The following TBC1D21 variants were observed in gnomAD, a reference collection of about 807,000 sequenced individuals.
TBC1D21 encodes the protein male germ cell Rab GTPase-activating protein.
TBC1D21 carries 38 observed loss-of-function variants against 46.0 expected under a neutral mutation model. That is an observed-to-expected ratio of 0.83 (90% CI 0.64 to 1.08). TBC1D21 has a LOEUF of 1.08. TBC1D21 is among the 50% of genes least tolerant of loss of function. TBC1D21 has a pLI of 0.00. For synonymous variants in TBC1D21, 151 were observed against 157.2 expected, an observed-to-expected ratio of 0.96 and a Z score of 0.29; for missense variants, 415 against 417.9, an observed-to-expected ratio of 0.99 and a Z score of 0.06.
intron 6 of TBC1D21, among the ~76,000 whole-genome samples, chr15:73,885,827 C>A (rs982216277): frequency 6.6e-6 from 1 of 151,954 alleles, no homozygotes; most frequent in African/African-American, 2.4e-5. Context: ...CACACACACA[C>A]ACACACACAC....
intron 8 of TBC1D21, among the ~76,000 whole-genome samples, chr15:73,886,962 C>G (rs530613783): frequency 6.6e-6 from 1 of 152,316 alleles, no homozygotes; most frequent in South Asian, 2.1e-4. Context: ...TCCCCCCAAC[C>G]CTGGCCTTCC....
chr15:73,893,145 T>C (rs978197460), downstream of TBC1D21, among the ~76,000 whole-genome samples: 1 of 152,088 alleles, frequency 6.6e-6, no homozygotes, highest in Non-Finnish European at 1.5e-5. Context: ...ACTCCTTAAA[T>C]AGTGCCAGAG....
the TBC1D21 span, among the ~76,000 whole-genome samples, chr15:73,897,436 C>T: frequency 0.95 from 144,304 of 152,342 alleles, 68,849 homozygotes; most frequent in East Asian, 1. Flanking sequence ...TTAACAGTTA[C>T]TCTGTAACCC....
At chr15:73,876,346 G>A (rs1225283568) in intron 1 of TBC1D21, among the ~76,000 whole-genome samples, 1 of 147,228 alleles carries the variant, frequency 6.8e-6, no homozygotes, top group Admixed American at 6.9e-5. Flanking sequence ...TCCTGCCTCA[G>A]CCTCCCAAGT....
chr15:73,905,151 G>A, the TBC1D21 span, among the ~76,000 whole-genome samples: 9 of 152,178 alleles, frequency 5.9e-5, no homozygotes, highest in Middle Eastern at 3.2e-3. Context: ...ACGCCCTCTA[G>A]CCCCAGCCAT....
chr15:73,904,580 T>C, the TBC1D21 span, among the ~76,000 whole-genome samples: 1 of 152,134 alleles, frequency 6.6e-6, no homozygotes, highest in Admixed American at 6.5e-5. Context: ...TATGGGTTCA[T>C]AGTACAGGTC....
intron 1 of TBC1D21, among the ~76,000 whole-genome samples, chr15:73,874,581 C>T (rs2068024736): frequency 6.6e-6 from 1 of 152,186 alleles, no homozygotes; most frequent in South Asian, 2.1e-4. Flanking sequence ...AGTCACACAG[C>T]TTGTTAAGTG....
intron 1 of TBC1D21, 66 bp downstream of exon 1, chr15:73,873,835 T>C: frequency 1.3e-6 from 2 of 1,550,746 alleles, no homozygotes. Flanking sequence ...GGGACCATTT[T>C]CCCCTGCTGG....
chr15:73,909,763 C>T, the TBC1D21 span: 1 of 151,952 alleles, frequency 6.6e-6, no homozygotes, highest in South Asian at 2.1e-4. Flanking sequence ...ACATAACCTC[C>T]AAGTTACAAC....
At chr15:73,896,856 G>C in the TBC1D21 span, among the ~76,000 whole-genome samples, 1 of 152,338 alleles carries the variant, frequency 6.6e-6, no homozygotes, top group South Asian at 2.1e-4. Context: ...CTCTGAAATG[G>C]AGGACAACAT....
At chr15:73,900,906 G>A in the TBC1D21 span, among the ~76,000 whole-genome samples, 1 of 152,104 alleles carries the variant, frequency 6.6e-6, no homozygotes, top group African/African-American at 2.4e-5. Flanking sequence ...TAATAGCTAC[G>A]GTTATTCCTA....
At chr15:73,886,944 C>T (rs1253821754) in intron 8 of TBC1D21, among the ~76,000 whole-genome samples, 1 of 152,194 alleles carries the variant, frequency 6.6e-6, no homozygotes, top group East Asian at 1.9e-4. Flanking sequence ...CTTTCACTTC[C>T]CCAGCTGTCC....
At chr15:73,892,909 G>A (rs375555973), downstream of TBC1D21, among the ~76,000 whole-genome samples, 53 of 152,316 alleles carry the variant, frequency 3.5e-4, no homozygotes, top group African/African-American at 1.0e-3. Flanking sequence ...TGTCGGCGAC[G>A]TCAGTGATGG....
the TBC1D21 span, among the ~76,000 whole-genome samples, chr15:73,905,980 T>A: frequency 1.2e-4 from 19 of 152,014 alleles, no homozygotes; most frequent in Non-Finnish European, 2.5e-4. Context: ...AGAACTCAGG[T>A]ATCACTCGGT....
downstream of TBC1D21, among the ~76,000 whole-genome samples, chr15:73,893,655 G>A (rs930402806): frequency 2.6e-5 from 4 of 152,184 alleles, no homozygotes; most frequent in Non-Finnish European, 5.9e-5. Context: ...TGGGCCCCAG[G>A]GTCTGTGTTA....
the TBC1D21 span, among the ~76,000 whole-genome samples, chr15:73,898,471 T>C: frequency 5.3e-5 from 8 of 152,224 alleles, no homozygotes; most frequent in East Asian, 1.5e-3. Flanking sequence ...TGAACCACAA[T>C]GTATTTTAAA....
In TBC1D21 at chr15:73,885,066, A is replaced by G; in HGVS notation, c.542A>G (p.Glu181Gly). Residue 181 changes from glutamate to glycine, a missense_variant, in exon 6 of 11, where the codon GAG (glutamate) becomes GGG (glycine). By Grantham distance (98) the Glu-to-Gly change is moderately conservative (BLOSUM62 -2). Coordinates refer to ENST00000300504, the MANE Select transcript of TBC1D21 (RefSeq NM_153356.3). ...LFQLMVEHDHETFWLFQFFLQ... is the reference protein window; with the variant it reads ...LFQLMVEHDHGTFWLFQFFLQ... ...CAGCTGATGGTGGAGCACGACCACG[A>G]GACCTTCTGGCTTTTCCAGTTCTTC... 1 of 1,613,258 alleles carries G rather than the reference A, an allele frequency of 6.2e-7. No homozygotes were observed. The highest frequency in any genetic ancestry group is 1.3e-5 in the African/African-American group (1 of 74,856).
chr15:73,906,662 C>T, the TBC1D21 span, among the ~76,000 whole-genome samples: 7 of 152,156 alleles, frequency 4.6e-5, no homozygotes, highest in Non-Finnish European at 7.3e-5. Context: ...GCAAGTGCCT[C>T]GATTTTCCCT....
chr15:73,897,443 A>G, the TBC1D21 span, among the ~76,000 whole-genome samples: 1 of 152,208 alleles, frequency 6.6e-6, no homozygotes, highest in Admixed American at 6.5e-5. Context: ...TTACTCTGTA[A>G]CCCAAGAAGC....
Sources: allele counts gnomAD v4.1 joint callset (sites outside exome capture counted in the v4.1 genomes callset), GRCh38; gene constraint gnomAD v4.1.1; transcripts MANE v1.5; gene names NCBI Gene and HGNC (gene_info 2026-07-23, HGNC 2026-07-21).